Variants in SMC1A observed in about 807,000 individuals in gnomAD.
SMC1A encodes the protein structural maintenance of chromosomes protein 1A.
Under a neutral mutation model 94.5 loss-of-function variants are expected in SMC1A, and 4 were observed. That is an observed-to-expected ratio of 0.04 (90% CI 0.02 to 0.10). The LOEUF (loss-of-function observed/expected upper bound fraction) is 0.10, where lower values mean the gene tolerates loss of function less well. Ranked by LOEUF, SMC1A falls within the 10% of genes least tolerant of loss-of-function variation. SMC1A has a pLI of 1.00. For synonymous variants in SMC1A, 345 were observed against 347.7 expected (o/e 0.99, Z 0.09); for missense variants, 304 against 989.0 (o/e 0.31, Z 9.29).
chrX:53,421,828 G>A, intron 1 of SMC1A: 1 of 994,829 alleles, frequency 1.0e-6, no homozygotes, highest in Non-Finnish European at 1.3e-6. Flanking sequence ...AACAAATTTG[G>A]TAAATTAGTT....
chrX:53,421,897 C>CT, intron 1 of SMC1A: 1 of 1,196,287 alleles, frequency 8.4e-7, no homozygotes, highest in Non-Finnish European at 1.1e-6. Context: ...GCAACTACCT[C>CT]TGACATAGCG....
chrX:53,378,517 C>T lies in SMC1A; in HGVS notation c.*1586G>A, dbSNP rs1305213969. 1.8e-5 allele frequency: 2 copies of T among 112,228 alleles called. No individual in the cohort carries two copies. The highest frequency in any genetic ancestry group is 2.8e-4 in the East Asian group (1 of 3,606). 9.2% of individuals were successfully genotyped at this position (112,228 alleles called of 1,213,427 possible). ...TATTTCCAATGAGTTCACATATGTA[C>T]GTACAAGCATTAAAACAAAGTCTAA... On this transcript the variant is annotated 3_prime_UTR_variant, in exon 25 of 25. Coordinates refer to ENST00000322213, the MANE Select transcript of SMC1A (RefSeq NM_006306.4).
intron 19 of SMC1A, 34 bp from the exon 20 acceptor site, chrX:53,383,287 G>A: frequency 8.6e-7 from 1 of 1,158,208 alleles, no homozygotes; most frequent in Non-Finnish European, 1.2e-6. Flanking sequence ...GTCAAGAAGG[G>A]CCTGGCCCCT....
At position 53,396,480 on chromosome X, in the gene SMC1A, G is replaced by C. The variant is rs186510389; in HGVS notation, c.2700C>G (p.Gly900=). Residue 900 remains glycine, a synonymous_variant, in exon 17 of 25, where the codon GGC becomes GGG. Coordinates refer to ENST00000322213, the MANE Select transcript of SMC1A (RefSeq NM_006306.4). The part of the protein sequence containing the change: ...EMEEIRKKLG[G]ANKEMTHLQK... ...GGCCTGAACCCACTCACTTGTTGGC[G>C]CCCCCGAGTTTCTTACGAATCTCCT... is the stretch of plus-strand genomic sequence containing the variant. 6 of 1,208,295 alleles carry C rather than the reference G, an allele frequency of 5.0e-6. No homozygotes were observed. Among genetic ancestry groups the C allele is most frequent in the Non-Finnish European group, 6.7e-6 (6 of 894,788 alleles).
In SMC1A at chrX:53,399,744, T is replaced by G. The variant is rs782199751; in HGVS notation, c.2421-14A>C. 6.7e-6 allele frequency: 8 copies of G among 1,201,189 alleles called. No individual in the cohort carries two copies. Among genetic ancestry groups the G allele is most frequent in the Non-Finnish European group, 7.9e-6 (7 of 887,808 alleles). On this transcript the variant is annotated splice_polypyrimidine_tract_variant and intron_variant, in intron 15 of 24. Coordinates refer to ENST00000322213, the MANE Select transcript of SMC1A (RefSeq NM_006306.4). ...TCAAACTCCAAACTGTGTATAAAGG[T>G]GGGGGGAGAATCACTCATAATCTCA...
intron 24 of SMC1A, 127 bp from the exon 25 acceptor site, chrX:53,380,313 C>T: frequency 1.9e-6 from 1 of 530,145 alleles, no homozygotes; most frequent in East Asian, 3.5e-5. Context: ...GTCAATGGTT[C>T]TCTCTGGGTG....
chrX:53,418,884 A>T (rs1287786949), intron 1 of SMC1A, among the ~76,000 whole-genome samples: 2 of 110,255 alleles, frequency 1.8e-5, no homozygotes, highest in Non-Finnish European at 3.8e-5. Flanking sequence ...CCCTACTAAA[A>T]ATACAAAAAT....
At chrX:53,412,433 G>A (rs1318508367) in intron 5 of SMC1A, among the ~76,000 whole-genome samples, 180 bp from the exon 6 acceptor site, 3 of 112,172 alleles carry the variant, frequency 2.7e-5, no homozygotes, top group Non-Finnish European at 5.6e-5. Context: ...CTCCCTGAAA[G>A]GTATGACTTC....
intron 19 of SMC1A, among the ~76,000 whole-genome samples, chrX:53,393,296 C>T (rs1229431729): frequency 9.1e-6 from 1 of 110,320 alleles, no homozygotes; most frequent in Non-Finnish European, 1.9e-5. Context: ...TACCAACGAC[C>T]CAGTTCCTTC....
Position 53,396,306 on chromosome X carries a change from T to C in SMC1A, c.2783A>G (p.Asn928Ser). Residue 928 changes from asparagine to serine, a missense_variant, in exon 18 of 25, where the codon AAC (asparagine) becomes AGC (serine). Physicochemically the swap from Asn to Ser is conservative, Grantham distance 46. This residue lies in a region of SMC1A where 35 missense variants were observed against 95.4 expected (regional missense o/e 0.37). Transcript: ENST00000322213. ...CTGCATCTTACAGGCCTGTAGCAAGTTGTGACGGTCACTGCGCTTCTGTTC... is the reference window on the plus strand; with the variant it reads ...CTGCATCTTACAGGCCTGTAGCAAGCTGTGACGGTCACTGCGCTTCTGTTC... ...KLEQKRSDRHNLLQACKMQDI... is the reference protein window; with the variant it reads ...KLEQKRSDRHSLLQACKMQDI... 8.3e-7 allele frequency: 1 copy of C among 1,211,353 alleles called. No homozygotes were observed. The highest frequency in any genetic ancestry group is 1.1e-6 in the Non-Finnish European group (1 of 895,114).
chrX:53,390,220 G>T (rs2075622667), intron 19 of SMC1A, among the ~76,000 whole-genome samples: 1 of 106,902 alleles, frequency 9.4e-6, no homozygotes, highest in Non-Finnish European at 1.9e-5. Context: ...GGGCCCCATG[G>T]CTCACACCTG....
rs2075580393 is a variant in SMC1A at position 53,381,011 on chromosome X, C to A, written c.3507+7G>T. Reference sequence around the variant, plus strand: ...TCCCTCCCAGGCCCCACTTTCTTTGCACCCACCTTGCCAATGTTGGTGTTA... The same window carrying A: ...TCCCTCCCAGGCCCCACTTTCTTTGAACCCACCTTGCCAATGTTGGTGTTA... On this transcript the variant is annotated splice_region_variant and intron_variant, in intron 23 of 24. Coordinates refer to ENST00000322213, the MANE Select transcript of SMC1A (RefSeq NM_006306.4). The A allele has an allele frequency of 8.3e-7, 1 of 1,201,486 alleles. No homozygotes were observed. The highest frequency in any genetic ancestry group is 1.8e-5 in the African/African-American group (1 of 56,631).
At position 53,389,807 on chromosome X, in the gene SMC1A, C is replaced by A. The variant is rs782253167; in HGVS notation, c.2973+4971G>T. Among the ~76,000 whole-genome samples, 5 of 105,351 alleles carry A rather than the reference C, an allele frequency of 4.7e-5. No homozygotes were observed. The East Asian group carries it at 1.5e-3, about 31-fold the overall frequency. The allele number at this position is 105,351 out of a possible 115,157, so 91.5% of individuals were successfully genotyped here. A position where few individuals can be genotyped will look rare whatever the true frequency, so the allele number is the denominator to read the frequency against. ...CTATCTCTTTCAGAGATGTATCCTG[C>A]AATATTTGCAAATGAAATATGATGT... On this transcript the variant is annotated intron_variant, in intron 19 of 24. Coordinates refer to ENST00000322213, the MANE Select transcript of SMC1A (RefSeq NM_006306.4).
chrX:53,400,677 GTCC>G (rs2075667570), intron 15 of SMC1A, among the ~76,000 whole-genome samples: 1 of 110,952 alleles, frequency 9.0e-6, no homozygotes, highest in South Asian at 3.8e-4. Flanking sequence ...TCCTGCTATT[GTCC>G]TCCTCTCCAT....
intron 19 of SMC1A, among the ~76,000 whole-genome samples, chrX:53,387,295 C>G (rs1453519235): frequency 8.9e-6 from 1 of 111,792 alleles, no homozygotes; most frequent in Non-Finnish European, 1.9e-5. Context: ...GCGCCTGGCC[C>G]TTTTACTAAT....
chrX:53,396,633 G>A lies in SMC1A; in HGVS notation c.2563-16C>T. 1 of 1,203,415 alleles carries A rather than the reference G, an allele frequency of 8.3e-7. No homozygotes were observed. The highest frequency in any genetic ancestry group is 1.1e-6 in the Non-Finnish European group (1 of 893,220). ...TTTGTTCCTCCTGGTCCCAGCAGTG[G>A]GAACAGGACAATAGGTGAAGACTTT... On this transcript the variant is annotated splice_polypyrimidine_tract_variant and intron_variant, in intron 16 of 24. Coordinates refer to ENST00000322213, the MANE Select transcript of SMC1A (RefSeq NM_006306.4).
chrX:53,387,876 C>A (rs2075611378), intron 19 of SMC1A, among the ~76,000 whole-genome samples: 2 of 110,049 alleles, frequency 1.8e-5, no homozygotes. Context: ...TATGAGAACT[C>A]AGTGGACAAA....
intron 19 of SMC1A, among the ~76,000 whole-genome samples, chrX:53,390,314 C>T (rs906124149): frequency 2.8e-5 from 3 of 107,203 alleles, no homozygotes; most frequent in African/African-American, 1.0e-4. Flanking sequence ...AGTGAAATCC[C>T]GTCTCTAATA....
chrX:53,389,064 C>A (rs2075616844), intron 19 of SMC1A, among the ~76,000 whole-genome samples: 1 of 105,096 alleles, frequency 9.5e-6, no homozygotes, highest in South Asian at 4.3e-4. Flanking sequence ...CAGCACTGAT[C>A]TACATCTAAC....
Sources: allele counts gnomAD v4.1 joint callset (sites outside exome capture counted in the v4.1 genomes callset), GRCh38; gene constraint gnomAD v4.1.1; regional missense constraint gnomAD v4.1.1; transcripts MANE v1.5; gene names NCBI Gene and HGNC (gene_info 2026-07-23, HGNC 2026-07-21).